The following DUX4 variants were observed in gnomAD, a reference collection of about 807,000 sequenced individuals.
DUX4 encodes double homeobox protein 4.
downstream of DUX4, among the ~76,000 whole-genome samples, chr4:190,179,034 GTCCC>G (rs1742473158): frequency 5.8e-4 from 4 of 6,864 alleles, no homozygotes; most frequent in East Asian, 5.4e-3. Context: ...ATGTCACAAA[GTCCC>G]TTTAGGCAGA....
chr4:190,183,009 G>A (rs1209839840), intron 1 of DUX4, among the ~76,000 whole-genome samples: 1,945 of 35,138 alleles, frequency 0.055, 30 homozygotes, highest in East Asian at 0.25. Flanking sequence ...TAAGAGTTAG[G>A]GTTAGGGTTA....
downstream of DUX4, among the ~76,000 whole-genome samples, chr4:190,177,964 A>T (rs1742396717): frequency 1.3e-5 from 2 of 152,220 alleles, no homozygotes; most frequent in African/African-American, 4.8e-5. Context: ...GAGCCTAGAC[A>T]AGAGTTACAT....
At chr4:190,176,415 C>G, downstream of DUX4, among the ~76,000 whole-genome samples, 2 of 109,480 alleles carry the variant, frequency 1.8e-5, no homozygotes, top group Non-Finnish European at 4.3e-5. Flanking sequence ...CCTTGGGGAT[C>G]AGTGCAGAGA....
chr4:190,179,853 CCCT>C (rs1742516947), downstream of DUX4, among the ~76,000 whole-genome samples: 1 of 151,062 alleles, frequency 6.6e-6, no homozygotes, highest in African/African-American at 2.4e-5. Flanking sequence ...TCACAATACC[CCCT>C]GTAAGCAGAG....
downstream of DUX4, among the ~76,000 whole-genome samples, chr4:190,176,691 T>G (rs1238496667): frequency 9.4e-5 from 10 of 106,420 alleles, no homozygotes; most frequent in Admixed American, 1.2e-4. Context: ...GGTTGATCAG[T>G]TCAGAGATGT....
chr4:190,176,633 T>C (rs1328810447), downstream of DUX4, among the ~76,000 whole-genome samples: 21 of 109,234 alleles, frequency 1.9e-4, no homozygotes, highest in East Asian at 9.3e-4. Context: ...TGCAGAGATG[T>C]GTCACAAAGC....
downstream of DUX4, among the ~76,000 whole-genome samples, chr4:190,180,006 A>AGACC (rs1742524335): frequency 7.3e-6 from 1 of 137,110 alleles, no homozygotes; most frequent in African/African-American, 3.0e-5. Context: ...GGCAGAGCTT[A>AGACC]AACTAGAGTT....
chr4:190,178,683 A>T (rs1579834579), downstream of DUX4, among the ~76,000 whole-genome samples: 20 of 148,388 alleles, frequency 1.3e-4, no homozygotes, highest in East Asian at 4.4e-4. Context: ...CAGTGCAGAG[A>T]TATGTCACAA....
intron 1 of DUX4, among the ~76,000 whole-genome samples, chr4:190,181,446 G>GGA (rs1742571139): frequency 3.7e-5 from 1 of 26,948 alleles, no homozygotes; most frequent in African/African-American, 1.3e-4. Context: ...CAGAGCGTAA[G>GGA]CAAGAGTTAC....
chr4:190,184,339 CTT>C (rs1212886281), intron 1 of DUX4, among the ~76,000 whole-genome samples: 1 of 40,430 alleles, frequency 2.5e-5, no homozygotes, highest in Non-Finnish European at 6.7e-5. Flanking sequence ...AACAGAGATC[CTT>C]TTTTTTTTTG....
chr4:190,181,290 C>CCCCA (rs1742561805), intron 1 of DUX4, among the ~76,000 whole-genome samples: 2 of 108,672 alleles, frequency 1.8e-5, no homozygotes, highest in African/African-American at 3.7e-5. Context: ...GTGACAATGC[C>CCCCA]GCCAGTAGGC....
chr4:190,181,598 CTGGGTGA>C (rs1742584997), intron 1 of DUX4, among the ~76,000 whole-genome samples: 2 of 100,368 alleles, frequency 2.0e-5, no homozygotes, highest in African/African-American at 3.8e-5. Context: ...GTTACATCAC[CTGGGTGA>C]TCAGTGCAGA....
chr4:190,179,061 GTCCCA>G (rs1742475395), downstream of DUX4, among the ~76,000 whole-genome samples: 3 of 143,446 alleles, frequency 2.1e-5, no homozygotes, highest in East Asian at 2.1e-4. Context: ...CTAGAAAAGA[GTCCCA>G]TTACTTGGGT....
At chr4:190,178,254 TGGG>T (rs1742413268), downstream of DUX4, among the ~76,000 whole-genome samples, 2 of 123,540 alleles carry the variant, frequency 1.6e-5, no homozygotes, top group Admixed American at 8.1e-5. Context: ...TTGCATCACC[TGGG>T]TGATCAGTGT....
In DUX4 at chr4:190,175,710, G is replaced by C. The variant is rs1476200634; in HGVS notation, c.*300G>C. ...AGCTCGCTGGCCTCTCTGTGCCCTT[G>C]TTCTTCCGTGAAATTCTGGCTGAAT... On this transcript the variant is annotated 3_prime_UTR_variant, in exon 2 of 2. Transcript: ENST00000565211. 2 of 164,714 alleles carry C rather than the reference G, an allele frequency of 1.2e-5. 1 individual carries two copies. Among genetic ancestry groups the C allele is most frequent in the African/African-American group, 5.2e-5 (2 of 38,112 alleles). The allele number at this position is 164,714 out of a possible 1,614,324, so 10.2% of individuals were successfully genotyped here.
At chr4:190,182,297 C>A (rs1466862788) in intron 1 of DUX4, 1 of 94,720 alleles carries the variant, frequency 1.1e-5, no homozygotes. Context: ...TAGGCTTAGG[C>A]TTAGGGTTAG....
intron 1 of DUX4, 134 bp from the exon 2 acceptor site, chr4:190,175,513 G>C (rs1742243317): frequency 8.4e-6 from 1 of 119,306 alleles, no homozygotes; most frequent in African/African-American, 2.9e-5. Context: ...CACCGCTCCG[G>C]CGGCTCGCCT....
At chr4:190,181,443 TAA>T (rs1742570975) in intron 1 of DUX4, among the ~76,000 whole-genome samples, 2 of 149,636 alleles carry the variant, frequency 1.3e-5, no homozygotes, top group African/African-American at 4.9e-5. Flanking sequence ...AGGCAGAGCG[TAA>T]GCAAGAGTTA....
chr4:190,175,373 A>ACTGCACCCTT, intron 1 of DUX4, 89 bp downstream of exon 1: 1 of 24,598 alleles, frequency 4.1e-5, no homozygotes, highest in African/African-American at 8.7e-5. Flanking sequence ...CCTCTCCACC[A>ACTGCACCCTT]GCCCACCCCG....
Sources: gnomAD v4.1 joint callset for allele counts (sites outside exome capture counted in the v4.1 genomes callset) on GRCh38, gnomAD v4.1.1 for gene constraint, MANE v1.5 for transcripts, NCBI Gene and HGNC (gene_info 2026-07-23, HGNC 2026-07-21) for gene names.